The following PRKN variants were observed in gnomAD, a reference collection of about 807,000 sequenced individuals.
PRKN encodes E3 ubiquitin-protein ligase parkin.
PRKN carries 56 observed loss-of-function variants against 59.5 expected under a neutral mutation model. That is an observed-to-expected ratio of 0.94 (90% CI 0.76 to 1.18). PRKN has a LOEUF of 1.18. Ranked by LOEUF, PRKN falls within the 50% of genes most tolerant of loss-of-function variation. The pLI, the probability that PRKN is intolerant of heterozygous loss-of-function variation, is 0.00. For synonymous variants in PRKN, 250 were observed against 222.1 expected (o/e 1.13, Z -1.12); for missense variants, 657 against 596.4 (o/e 1.10, Z -1.06).
intron 4 of PRKN, among the ~76,000 whole-genome samples, chr6:162,151,811 T>C (rs1312997194): frequency 6.6e-6 from 1 of 152,204 alleles, no homozygotes; most frequent in Admixed American, 6.5e-5. Flanking sequence ...ATCAATTTTT[T>C]TATTCACATA....
At chr6:162,082,741 A>G (rs1779105604) in intron 4 of PRKN, among the ~76,000 whole-genome samples, 1 of 151,958 alleles carries the variant, frequency 6.6e-6, no homozygotes, top group South Asian at 2.1e-4. Flanking sequence ...CATAGGACTA[A>G]TTGGCCCAAT....
rs556940621 is a variant in PRKN at position 161,582,643 on chromosome 6, G to A, written c.872-13227C>T. On this transcript the variant is annotated intron_variant, in intron 7 of 11. Transcript: ENST00000366898. This position sits in a 1 kb window ranked among gnomAD's most constrained non-coding sequence, Gnocchi z 4.4. ...GGGGTTTCACCATGTTAGCCAGGAT[G>A]GTCTCGATCTGCTGACCTCGTGATC... Among the ~76,000 whole-genome samples, 24 of 152,136 alleles carry A rather than the reference G, an allele frequency of 1.6e-4. No homozygotes were observed. Among genetic ancestry groups the A allele is most frequent in the African/African-American group, 5.1e-4 (21 of 41,502 alleles).
chr6:161,656,492 C>G (rs144054408), intron 7 of PRKN, among the ~76,000 whole-genome samples: 7,759 of 152,274 alleles, frequency 0.051, 245 homozygotes, highest in Non-Finnish European at 0.069. Context: ...CCCCACTGCT[C>G]TGAGCTGTTG....
rs1199361220 is a variant in PRKN at position 161,935,571 on chromosome 6, AGAAG to A, written c.734+37727_734+37730del. 5.6e-3 allele frequency among the ~76,000 whole-genome samples: 793 copies of A among 141,810 alleles called. 10 individuals carry two copies. Among genetic ancestry groups the A allele is most frequent in the African/African-American group, 0.018 (687 of 38,838 alleles). 93.0% of individuals were successfully genotyped at this position (141,810 alleles called of 152,430 possible). On this transcript the variant is annotated intron_variant, in intron 6 of 11. Coordinates refer to ENST00000366898, the MANE Select transcript of PRKN (RefSeq NM_004562.3). ...CTTGTTTCCAAAAAAAAAAAAAAAAAGAAGAAGAAGAAGAAGGATAAGACGTGAG... is the reference window on the plus strand; with the variant it reads ...CTTGTTTCCAAAAAAAAAAAAAAAAAAAGAAGAAGAAGGATAAGACGTGAG...
At chr6:161,782,018 A>C (rs1471369211) in intron 7 of PRKN, among the ~76,000 whole-genome samples, 3 of 152,192 alleles carry the variant, frequency 2.0e-5, no homozygotes, top group Non-Finnish European at 4.4e-5. Flanking sequence ...GAAACAGTAA[A>C]ATAAATACAC....
chr6:162,108,420 T>C (rs1415333796), intron 4 of PRKN, among the ~76,000 whole-genome samples: 1 of 152,220 alleles, frequency 6.6e-6, no homozygotes, highest in Non-Finnish European at 1.5e-5. Flanking sequence ...GCATATTTCA[T>C]CTGAACTAAT....
rs1788216166 is a variant in PRKN at position 161,423,935 on chromosome 6, C to T, written c.1084-37058G>A. Among the ~76,000 whole-genome samples the T allele has an allele frequency of 6.6e-6, 1 of 152,072 alleles. No individual in the cohort carries two copies. Among genetic ancestry groups the T allele is most frequent in the Non-Finnish European group, 1.5e-5 (1 of 68,024 alleles). On this transcript the variant is annotated intron_variant, in intron 9 of 11. Coordinates refer to ENST00000366898, the MANE Select transcript of PRKN (RefSeq NM_004562.3). This position sits in a 1 kb window ranked among gnomAD's most constrained non-coding sequence, Gnocchi z 5.9. The stretch of plus-strand genomic sequence containing the variant: ...CTGGTGATTTTCTAAAGTCTACAGA[C>T]AAGAAAAGCACTGGCCAATGAAGGT...
At chr6:162,600,432 AC>A (rs1401869953) in intron 1 of PRKN, among the ~76,000 whole-genome samples, 1 of 152,224 alleles carries the variant, frequency 6.6e-6, no homozygotes, top group East Asian at 1.9e-4. Flanking sequence ...GAAGATGTGA[AC>A]ATTTTTGTAC....
At chr6:161,760,859 A>C (rs1789168919) in intron 7 of PRKN, among the ~76,000 whole-genome samples, 1 of 152,202 alleles carries the variant, frequency 6.6e-6, no homozygotes, top group Non-Finnish European at 1.5e-5. Flanking sequence ...TTCAGCCTAC[A>C]CCCGCACATA....
At chr6:162,216,386 C>T (rs911181413) in intron 3 of PRKN, among the ~76,000 whole-genome samples, 4 of 151,086 alleles carry the variant, frequency 2.6e-5, no homozygotes, top group East Asian at 3.9e-4. Flanking sequence ...AAAAATTAGC[C>T]GGGCGCGGTG....
chr6:161,353,250 A>G lies in PRKN; in HGVS notation c.1286-3039T>C, dbSNP rs9458231. Among the ~76,000 whole-genome samples, 1,056 of 152,252 alleles carry G rather than the reference A, an allele frequency of 6.9e-3. 15 individuals carry two copies. The highest frequency in any genetic ancestry group is 0.024 in the African/African-American group (1,003 of 41,542). On this transcript the variant is annotated intron_variant, in intron 11 of 11. Transcript: ENST00000366898. The surrounding 1 kb of genome is among the most constrained non-coding windows in gnomAD (Gnocchi z 4.8). ...TTTACCAGCCCAGGGCAGGACTGGAACCATCCGCAGCTGTTCTGACTGTGG... is the reference window on the plus strand; with the variant it reads ...TTTACCAGCCCAGGGCAGGACTGGAGCCATCCGCAGCTGTTCTGACTGTGG...
chr6:162,491,575 T>G (rs185803334), intron 1 of PRKN, among the ~76,000 whole-genome samples: 2 of 152,270 alleles, frequency 1.3e-5, no homozygotes, highest in East Asian at 1.9e-4. Flanking sequence ...CCTCATACAC[T>G]GCCAGCTCGT....
chr6:161,801,040 A>C (rs1202587598), intron 6 of PRKN, among the ~76,000 whole-genome samples: 1 of 151,452 alleles, frequency 6.6e-6, no homozygotes, highest in Non-Finnish European at 1.5e-5. Context: ...TGGCTCCCCC[A>C]CCCCTCCCAT....
chr6:162,068,571 TCG>T (rs1778436820), intron 4 of PRKN, among the ~76,000 whole-genome samples: 1 of 152,202 alleles, frequency 6.6e-6, no homozygotes, highest in South Asian at 2.1e-4. Flanking sequence ...TACAAGGGCC[TCG>T]GCTTTCTGCT....
At chr6:162,408,432 T>A (rs747959021) in intron 2 of PRKN, among the ~76,000 whole-genome samples, 1 of 152,134 alleles carries the variant, frequency 6.6e-6, no homozygotes, top group Non-Finnish European at 1.5e-5. Context: ...GCCCTCAATA[T>A]GATTTTGAGA....
intron 2 of PRKN, among the ~76,000 whole-genome samples, chr6:162,265,914 C>G (rs532945487): frequency 6.6e-6 from 1 of 152,142 alleles, no homozygotes; most frequent in South Asian, 2.1e-4. Context: ...TAATGGCAGA[C>G]AGTCCTCTAT....
intron 7 of PRKN, among the ~76,000 whole-genome samples, chr6:161,721,594 C>T (rs1035549515): frequency 3.3e-5 from 5 of 152,172 alleles, no homozygotes; most frequent in African/African-American, 9.7e-5. Context: ...TTTATGCAGT[C>T]CCATCACACC....
At chr6:162,408,102 T>C (rs980931432) in intron 2 of PRKN, among the ~76,000 whole-genome samples, 7 of 152,302 alleles carry the variant, frequency 4.6e-5, no homozygotes, top group African/African-American at 7.2e-5. Context: ...CCTACTCTCA[T>C]ATCTTCTTTT....
intron 1 of PRKN, among the ~76,000 whole-genome samples, chr6:162,491,333 C>G (rs1425120713): frequency 6.6e-6 from 1 of 150,816 alleles, no homozygotes; most frequent in Non-Finnish European, 1.5e-5. Flanking sequence ...AGGGTGTAAA[C>G]AACAAATTGC....
Sources: gnomAD v4.1 joint callset for allele counts (sites outside exome capture counted in the v4.1 genomes callset) on GRCh38, gnomAD v4.1.1 for gene constraint, Gnocchi (gnomAD v3.1) non-coding constraint, MANE v1.5 for transcripts, NCBI Gene and HGNC (gene_info 2026-07-23, HGNC 2026-07-21) for gene names.